The following SRGAP3 variants were observed in gnomAD, a reference collection of about 807,000 sequenced individuals.
The protein encoded by SRGAP3 is SLIT-ROBO Rho GTPase-activating protein 3.
A neutral mutation model predicts 121.1 loss-of-function variants in SRGAP3; 39 were observed. The observed-to-expected ratio is 0.32, with a 90% CI of 0.25 to 0.42. SRGAP3 has a LOEUF of 0.42. Among genes scored for constraint, SRGAP3 ranks in the 10% least tolerant of loss-of-function variants. The probability of loss-of-function intolerance (pLI) is 1.00; values close to 1 mark genes in which losing one functional copy is unlikely to be tolerated. For synonymous variants in SRGAP3, 601 were observed against 570.0 expected (o/e 1.05, Z -0.77); for missense variants, 1,213 against 1,470.6 (o/e 0.82, Z 2.86).
intron 18 of SRGAP3, among the ~76,000 whole-genome samples, chr3:9,002,365 T>C (rs1470450747): frequency 6.6e-6 from 1 of 151,470 alleles, no homozygotes; most frequent in Non-Finnish European, 1.5e-5. Flanking sequence ...AAGAAAAAAA[T>C]CAAAAGAGAA....
intron 18 of SRGAP3, among the ~76,000 whole-genome samples, chr3:8,998,732 G>A (rs2124969955): frequency 6.6e-6 from 1 of 152,148 alleles, no homozygotes; most frequent in Non-Finnish European, 1.5e-5. Context: ...AGGACAAACA[G>A]GCACTCAATA....
intron 10 of SRGAP3, among the ~76,000 whole-genome samples, chr3:9,045,449 G>A (rs1162342304): frequency 6.6e-6 from 1 of 152,010 alleles, no homozygotes; most frequent in Non-Finnish European, 1.5e-5. Flanking sequence ...GTAGTTGAAG[G>A]CTAAATAAAC....
rs749688903 is a variant in SRGAP3 at position 9,047,443 on chromosome 3, G to A, written c.1356C>T (p.Leu452=). The A allele has an allele frequency of 1.2e-6, 2 of 1,614,198 alleles. No individual in the cohort carries two copies. The highest frequency in any genetic ancestry group is 1.7e-6 in the Non-Finnish European group (2 of 1,180,036). Residue 452 remains leucine, a synonymous_variant, in exon 10 of 22, where the codon CTC becomes CTT. Transcript: ENST00000383836. ...KFKEYVNGSN[L]ITKLQAKHDL... ...CGTGCTTGGCCTGCAGCTTGGTGAT[G>A]AGGTTACTGCCATTCACATACTCTT...
intron 1 of SRGAP3, among the ~76,000 whole-genome samples, chr3:9,175,415 G>A (rs994499753): frequency 7.2e-5 from 11 of 152,184 alleles, no homozygotes; most frequent in African/African-American, 2.4e-4. Context: ...AGAAAGTCCT[G>A]GATAAACATT....
At chr3:9,020,606 A>C (rs999737078) in intron 14 of SRGAP3, among the ~76,000 whole-genome samples, 2 of 152,192 alleles carry the variant, frequency 1.3e-5, no homozygotes, top group Admixed American at 6.5e-5. Flanking sequence ...ACATACGCAC[A>C]CATACACATA....
At chr3:9,082,828 C>T (rs1388303040) in intron 3 of SRGAP3, among the ~76,000 whole-genome samples, 2 of 152,172 alleles carry the variant, frequency 1.3e-5, no homozygotes, top group African/African-American at 4.8e-5. Flanking sequence ...GCTCCTTCTC[C>T]TCACCCCCCA....
chr3:9,294,706 G>GTGTGTGTC (rs1008216260), intron 3 of SRGAP3, among the ~76,000 whole-genome samples: 3 of 149,450 alleles, frequency 2.0e-5, no homozygotes, highest in African/African-American at 7.4e-5. Flanking sequence ...GTGTGTGTGT[G>GTGTGTGTC]TGTGTGTGTG....
chr3:9,087,133 T>A (rs1027407004), intron 3 of SRGAP3, among the ~76,000 whole-genome samples: 1 of 152,156 alleles, frequency 6.6e-6, no homozygotes, highest in African/African-American at 2.4e-5. Flanking sequence ...TGTATATATA[T>A]GTGTTTGCTG....
intron 3 of SRGAP3, among the ~76,000 whole-genome samples, chr3:9,099,022 A>C (rs1194523730): frequency 6.6e-6 from 1 of 152,118 alleles, no homozygotes; most frequent in African/African-American, 2.4e-5. Context: ...TCCAGCATGC[A>C]AACACTCACT....
At chr3:9,247,045 T>C (rs1367800850) in intron 1 of SRGAP3, among the ~76,000 whole-genome samples, 2 of 152,158 alleles carry the variant, frequency 1.3e-5, no homozygotes, top group African/African-American at 4.8e-5. Context: ...CCTTCCAAAA[T>C]GAGATAAGCA....
chr3:9,261,996 A>G (rs1418027852), intron 3 of SRGAP3, among the ~76,000 whole-genome samples: 2 of 152,206 alleles, frequency 1.3e-5, no homozygotes, highest in African/African-American at 4.8e-5. Context: ...AGCCCATCAG[A>G]CTAACAGTGG....
chr3:8,998,619 T>C (rs1942561273), intron 18 of SRGAP3, among the ~76,000 whole-genome samples: 1 of 152,060 alleles, frequency 6.6e-6, no homozygotes, highest in Non-Finnish European at 1.5e-5. Flanking sequence ...ACACATATAA[T>C]TTTGAAACTT....
At chr3:9,226,497 C>G (rs1447881782) in intron 1 of SRGAP3, among the ~76,000 whole-genome samples, 1 of 152,202 alleles carries the variant, frequency 6.6e-6, no homozygotes, top group Non-Finnish European at 1.5e-5. Flanking sequence ...TTCAAGACAG[C>G]TCTAATTGTT....
chr3:8,986,297 T>C (rs1941702246), intron 21 of SRGAP3, among the ~76,000 whole-genome samples: 1 of 152,106 alleles, frequency 6.6e-6, no homozygotes, highest in Non-Finnish European at 1.5e-5. Flanking sequence ...GGCAGATAAT[T>C]ATAATATGGA....
chr3:9,348,661 T>C (rs2728938), intron 1 of SRGAP3: 553,794 of 1,064,974 alleles, frequency 0.52, 149,582 homozygotes, highest in South Asian at 0.73. Flanking sequence ...CTAGATGCCA[T>C]TGATCAGACG....
rs536484249 is a variant in SRGAP3, at chr3:9,024,706, A to C, written c.1678+555T>G. ...TCTCCAGGGTTGGAGGGAGTGTATA[A>C]TCTCTTCCCCGCAATGTGTGGCTTG... is the stretch of plus-strand genomic sequence containing the variant. On this transcript the variant is annotated intron_variant, in intron 14 of 21. Coordinates refer to ENST00000383836, the MANE Select transcript of SRGAP3 (RefSeq NM_014850.4). Among the ~76,000 whole-genome samples the C allele has an allele frequency of 2.8e-4, 42 of 152,334 alleles. No homozygotes were observed. In the South Asian group the frequency reaches 8.5e-3, roughly 31 times the overall value.
chr3:9,041,076 A>T (rs551329652), intron 10 of SRGAP3, among the ~76,000 whole-genome samples: 9 of 152,384 alleles, frequency 5.9e-5, no homozygotes, highest in African/African-American at 2.2e-4. Flanking sequence ...GTACCAAATG[A>T]GTCAATAAGC....
At chr3:9,261,105 A>G (rs1954245821) in intron 3 of SRGAP3, among the ~76,000 whole-genome samples, 1 of 152,196 alleles carries the variant, frequency 6.6e-6, no homozygotes, top group Non-Finnish European at 1.5e-5. Flanking sequence ...CCTGCAGAAG[A>G]GGGGCCTGTT....
At chr3:9,108,270 G>C (rs1012806653) in intron 2 of SRGAP3, among the ~76,000 whole-genome samples, 3 of 152,060 alleles carry the variant, frequency 2.0e-5, no homozygotes, top group African/African-American at 7.2e-5. Flanking sequence ...GGTAGCGCGT[G>C]GTACTCATAT....
Sources: allele counts gnomAD v4.1 joint callset (sites outside exome capture counted in the v4.1 genomes callset), GRCh38; gene constraint gnomAD v4.1.1; transcripts MANE v1.5; gene names NCBI Gene and HGNC (gene_info 2026-07-23, HGNC 2026-07-21).